The following SLC36A1 variants were observed in gnomAD, a reference collection of about 807,000 sequenced individuals.
SLC36A1 encodes the protein proton-coupled amino acid transporter 1.
A neutral mutation model predicts 47.5 loss-of-function variants in SLC36A1; 30 were observed. The observed-to-expected ratio is 0.63, with a 90% confidence interval of 0.47 to 0.86. SLC36A1 has a LOEUF of 0.86. Among genes scored for constraint, SLC36A1 ranks in the 40% least tolerant of loss-of-function variants. The probability of loss-of-function intolerance (pLI) is 0.00; values close to 1 mark genes in which losing one functional copy is unlikely to be tolerated. For synonymous variants in SLC36A1, 255 were observed against 249.7 expected (o/e 1.02, Z -0.20); for missense variants, 517 against 606.0 (o/e 0.85, Z 1.54).
chr5:151,468,298 AT>A (rs1328801668), intron 7 of SLC36A1, among the ~76,000 whole-genome samples: 1,891 of 62,246 alleles, frequency 0.03, 139 homozygotes, highest in African/African-American at 0.038. Flanking sequence ...TATATATTTT[AT>A]ATATATATAT....
At chr5:151,398,207 C>T in the SLC36A1 span, among the ~76,000 whole-genome samples, 1 of 152,170 alleles carries the variant, frequency 6.6e-6, no homozygotes, top group South Asian at 2.1e-4. Context: ...TCTACCTCTG[C>T]CTCCGAGTAG....
At chr5:151,457,968 C>T (rs1200633961) in intron 1 of SLC36A1, among the ~76,000 whole-genome samples, 5 of 151,914 alleles carry the variant, frequency 3.3e-5, no homozygotes, top group Admixed American at 3.3e-4. Context: ...CCTGCCTCAG[C>T]CTCCCGAGTA....
chr5:151,349,857 A>G, the SLC36A1 span, among the ~76,000 whole-genome samples: 2 of 149,752 alleles, frequency 1.3e-5, no homozygotes, highest in African/African-American at 2.4e-5. Flanking sequence ...GAAGTAGGAT[A>G]GAATCTGTGC....
chr5:151,473,630 GCCTTTT>G (rs768602864), intron 7 of SLC36A1, 37 bp from the exon 8 acceptor site: 15 of 1,214,900 alleles, frequency 1.2e-5, no homozygotes, highest in Admixed American at 9.1e-5. Flanking sequence ...TTTCTGTATA[GCCTTTT>G]GCTTTGTTTT....
At chr5:151,543,466 G>A in the SLC36A1 span, 10 of 1,614,132 alleles carry the variant, frequency 6.2e-6, no homozygotes, top group South Asian at 2.2e-5. Context: ...GACCTTAATA[G>A]CAATGACTCT....
At chr5:151,420,014 G>C in the SLC36A1 span, 5 of 152,286 alleles carry the variant, frequency 3.3e-5, no homozygotes, top group African/African-American at 1.2e-4. Flanking sequence ...TACTTTGTTA[G>C]GTTCAGAAGT....
At chr5:151,531,856 G>A in the SLC36A1 span, 38 of 1,614,128 alleles carry the variant, frequency 2.4e-5, 1 homozygote, top group Admixed American at 4.8e-4. This position sits in a 1 kb window ranked among gnomAD's most constrained non-coding sequence, Gnocchi z 5.7. Context: ...CTCCAGTGGT[G>A]CCTGGGGCCT....
chr5:151,500,865 C>T, the SLC36A1 span, among the ~76,000 whole-genome samples: 1 of 152,202 alleles, frequency 6.6e-6, no homozygotes, highest in African/African-American at 2.4e-5. Flanking sequence ...TTTAGGCCTC[C>T]CCGCAGGCCC....
chr5:151,536,327 G>A, the SLC36A1 span, among the ~76,000 whole-genome samples: 1 of 152,162 alleles, frequency 6.6e-6, no homozygotes, highest in Non-Finnish European at 1.5e-5. Context: ...GCCTGTCCCT[G>A]CTGGGGTTAG....
rs1004925318 is a variant in SLC36A1 at position 151,469,236 on chromosome 5, C to T, written c.723+1311C>T. The T allele has an allele frequency of 7.1e-6, 5 of 700,748 alleles. No homozygotes were observed. In the African/African-American group the frequency reaches 8.7e-5, roughly 12 times the overall value. The allele number at this position is 700,748 out of a possible 1,614,324, so 43.4% of individuals were successfully genotyped here. A position where few individuals can be genotyped will look rare whatever the true frequency, so the allele number is the denominator to read the frequency against. ...GACCCGCTGTATGTGATTGGTCTGT[C>T]TCATTCTAGATCCTGTGAATGGATT... is the stretch of plus-strand genomic sequence containing the variant. On this transcript the variant is annotated intron_variant, in intron 7 of 10. Coordinates refer to ENST00000243389, the MANE Select transcript of SLC36A1 (RefSeq NM_078483.4).
Position 151,488,218 on chromosome 5 carries a change from T to C in SLC36A1, c.1395T>C (p.Ala465=). The C allele has an allele frequency of 6.2e-7, 1 of 1,614,102 alleles. No individual in the cohort carries two copies. ...ALYELIQPSN[A]PIFINSTCAF... ...ATGAGCTGATCCAGCCAAGCAATGC[T>C]CCCATCTTCATCAATTCCACCTGTG... Residue 465 remains alanine, a synonymous_variant, in exon 11 of 11, where the codon GCT becomes GCC. Transcript: ENST00000243389.
intron 1 of SLC36A1, among the ~76,000 whole-genome samples, chr5:151,448,673 T>G (rs1186775596): frequency 6.6e-6 from 1 of 152,250 alleles, no homozygotes; most frequent in Admixed American, 6.5e-5. Flanking sequence ...TTGTCAGATT[T>G]GGGATTGCTT....
At chr5:151,457,692 G>A (rs1375822923) in intron 1 of SLC36A1, among the ~76,000 whole-genome samples, 2 of 152,108 alleles carry the variant, frequency 1.3e-5, no homozygotes, top group Non-Finnish European at 2.9e-5. Flanking sequence ...CCAGGGTCAG[G>A]GTATAAGAGT....
chr5:151,473,375 C>T (rs1757595139), intron 7 of SLC36A1, among the ~76,000 whole-genome samples: 1 of 152,034 alleles, frequency 6.6e-6, no homozygotes, highest in Admixed American at 6.6e-5. Flanking sequence ...AATTCAGTTT[C>T]TGGGGATGGG....
At chr5:151,451,038 AAAG>A (rs1199989852) in intron 1 of SLC36A1, 1 of 152,202 alleles carries the variant, frequency 6.6e-6, no homozygotes, top group African/African-American at 2.4e-5. Context: ...ATGAGCACAT[AAAG>A]GTAGCCTCTA....
chr5:151,449,596 C>T (rs577207688), intron 1 of SLC36A1, among the ~76,000 whole-genome samples: 12 of 152,178 alleles, frequency 7.9e-5, no homozygotes, highest in Middle Eastern at 3.4e-3. Context: ...GTTCCAAAGG[C>T]GGTGTAAGAA....
chr5:151,475,838 T>C (rs1757974361), intron 8 of SLC36A1, among the ~76,000 whole-genome samples: 1 of 152,240 alleles, frequency 6.6e-6, no homozygotes, highest in South Asian at 2.1e-4. Context: ...CTCTTCCTTA[T>C]TAGCTGTGCC....
At chr5:151,500,693 AATGAG>A in the SLC36A1 span, among the ~76,000 whole-genome samples, 1 of 152,160 alleles carries the variant, frequency 6.6e-6, no homozygotes, top group Non-Finnish European at 1.5e-5. Flanking sequence ...GTGAGAATTA[AATGAG>A]ATAAGACGCT....
the SLC36A1 span, among the ~76,000 whole-genome samples, chr5:151,426,425 G>T: frequency 6.6e-6 from 1 of 151,958 alleles, no homozygotes; most frequent in Non-Finnish European, 1.5e-5. Context: ...GTGAGCAAAG[G>T]TCTCTGTGTC....
Sources: allele counts gnomAD v4.1 joint callset (sites outside exome capture counted in the v4.1 genomes callset), GRCh38; gene constraint gnomAD v4.1.1; non-coding constraint Gnocchi (gnomAD v3.1); transcripts MANE v1.5; gene names NCBI Gene and HGNC (gene_info 2026-07-23, HGNC 2026-07-21).